The following SMAD9 variants were observed in gnomAD, a reference collection of about 807,000 sequenced individuals.
The protein encoded by SMAD9 is MAD homolog 9.
In SMAD9, 36 loss-of-function variants were observed where a neutral mutation model predicts 46.1. That is an observed-to-expected ratio of 0.78 (90% CI 0.60 to 1.03). The LOEUF (loss-of-function observed/expected upper bound fraction) is 1.03, where lower values mean the gene tolerates loss of function less well. Among genes scored for constraint, SMAD9 ranks in the 50% least tolerant of loss-of-function variants. The probability of loss-of-function intolerance (pLI) is 0.00; values close to 1 mark genes in which losing one functional copy is unlikely to be tolerated. For synonymous variants in SMAD9, 245 were observed against 237.1 expected, an observed-to-expected ratio of 1.03 and a Z score of -0.31; for missense variants, 572 against 599.8, an observed-to-expected ratio of 0.95 and a Z score of 0.48.
At position 36,879,771 on chromosome 13, in the gene SMAD9, G is replaced by A; in HGVS notation, c.-82C>T. The A allele has an allele frequency of 6.6e-7, 1 of 1,516,046 alleles. No individual in the cohort carries two copies. The highest frequency in any genetic ancestry group is 9.1e-7 in the Non-Finnish European group (1 of 1,101,708). The allele number at this position is 1,516,046 out of a possible 1,614,324, so 93.9% of individuals were successfully genotyped here. On this transcript the variant is annotated 5_prime_UTR_variant, in exon 2 of 7. Transcript: ENST00000379826. Reference sequence around the variant, plus strand: ...GTGGGCGGCGAGTAGCTCTCCAGGGGTGGCATAGGGACCAACCCGCCCGTT... The same window carrying A: ...GTGGGCGGCGAGTAGCTCTCCAGGGATGGCATAGGGACCAACCCGCCCGTT...
At chr13:36,882,414 GCCA>G (rs2058412242) in intron 1 of SMAD9, among the ~76,000 whole-genome samples, 1 of 152,142 alleles carries the variant, frequency 6.6e-6, no homozygotes, top group Non-Finnish European at 1.5e-5. Flanking sequence ...ACCTTCAGTG[GCCA>G]CCACACTTTC....
At chr13:36,860,219 T>G (rs563422230) in intron 5 of SMAD9, among the ~76,000 whole-genome samples, 1 of 152,158 alleles carries the variant, frequency 6.6e-6, no homozygotes, top group Non-Finnish European at 1.5e-5. Flanking sequence ...TATGTCAAGA[T>G]AATTCCTTTC....
At chr13:36,869,122 G>A (rs1258346848) in intron 3 of SMAD9, among the ~76,000 whole-genome samples, 2 of 152,062 alleles carry the variant, frequency 1.3e-5, no homozygotes, top group South Asian at 2.1e-4. Context: ...AGGGAAATAC[G>A]GAGCTATTGT....
chr13:36,902,922 T>G (rs1427353094), intron 1 of SMAD9, among the ~76,000 whole-genome samples: 1 of 152,174 alleles, frequency 6.6e-6, no homozygotes, highest in African/African-American at 2.4e-5. Context: ...ATGTGTTTGA[T>G]GTTTGCTAAA....
intron 5 of SMAD9, among the ~76,000 whole-genome samples, chr13:36,859,743 C>G (rs1209071699): frequency 6.6e-6 from 1 of 152,078 alleles, no homozygotes; most frequent in African/African-American, 2.4e-5. Context: ...GGTGGATTGC[C>G]GGAGGTCGGG....
chr13:36,890,405 A>C (rs1350491177), intron 1 of SMAD9, among the ~76,000 whole-genome samples: 14 of 152,242 alleles, frequency 9.2e-5, no homozygotes, highest in Non-Finnish European at 1.5e-5. Context: ...AGCATCCTTA[A>C]AACTTTAAGA....
chr13:36,863,478 G>A (rs555480415), intron 5 of SMAD9, among the ~76,000 whole-genome samples: 32 of 152,196 alleles, frequency 2.1e-4, no homozygotes, highest in African/African-American at 6.7e-4. Flanking sequence ...CCCTAAAGAC[G>A]AGCTCTCAGT....
chr13:36,865,707 T>G lies in SMAD9; in HGVS notation c.833A>C (p.Tyr278Ser). Reference sequence around the variant, plus strand: ...CCCAACTCGGTTGTTCAGTTCATAGTAGGCGACCGAGCACCAGTGCTGGGG... The same window carrying G: ...CCCAACTCGGTTGTTCAGTTCATAGGAGGCGACCGAGCACCAGTGCTGGGG... ...EEPQHWCSVA[Y>S]YELNNRVGET... Residue 278 changes from tyrosine to serine, a missense_variant, in exon 5 of 7, where the codon TAC becomes TCC. By Grantham distance (144) the Tyr-to-Ser change is moderately radical (BLOSUM62 -2). Transcript: ENST00000379826. 1 of 1,614,172 alleles carries G rather than the reference T, an allele frequency of 6.2e-7. No homozygotes were observed. The highest frequency in any genetic ancestry group is 8.5e-7 in the Non-Finnish European group (1 of 1,180,002).
intron 1 of SMAD9, among the ~76,000 whole-genome samples, chr13:36,885,120 T>C (rs2058434303): frequency 6.6e-6 from 1 of 152,226 alleles, no homozygotes; most frequent in East Asian, 1.9e-4. Flanking sequence ...AGTGAACACA[T>C]TTGCTGAAGG....
intron 5 of SMAD9, among the ~76,000 whole-genome samples, chr13:36,865,146 T>G (rs536147472): frequency 2.7e-4 from 41 of 152,362 alleles, no homozygotes; most frequent in African/African-American, 9.4e-4. Flanking sequence ...GAACTTCACC[T>G]GATACAAATA....
At chr13:36,889,436 T>G (rs570970008) in intron 1 of SMAD9, among the ~76,000 whole-genome samples, 1 of 152,228 alleles carries the variant, frequency 6.6e-6, no homozygotes, top group Non-Finnish European at 1.5e-5. Context: ...GTCCTAAAAC[T>G]CTACTTAAAT....
rs749985767 is a variant in SMAD9, at chr13:36,872,899, G to A, written c.429C>T (p.Leu143=). Reference sequence around the variant, plus strand: ...GGTTATATTCACTGTGTCTTGGCACGAGCACAGGAGGCAGTACTAGGATCA... The same window carrying A: ...GGTTATATTCACTGTGTCTTGGCACAAGCACAGGAGGCAGTACTAGGATCA... ...RVETPVLPPV[L]VPRHSEYNPQ... is the part of the protein sequence containing the mutation. The change falls in exon 3 of 7, where the codon CTC becomes CTT. Residue 143 remains leucine, a synonymous_variant. Coordinates refer to ENST00000379826, the MANE Select transcript of SMAD9 (RefSeq NM_001127217.3). The A allele has an allele frequency of 2.3e-5, 37 of 1,614,016 alleles. No individual in the cohort carries two copies. Among genetic ancestry groups the A allele is most frequent in the Middle Eastern group, 3.3e-4 (2 of 6,082 alleles).
upstream of SMAD9, chr13:36,920,572 CGGGGGTGGGGT>C (rs2058738220): frequency 6.6e-6 from 1 of 152,188 alleles, no homozygotes; most frequent in Non-Finnish European, 1.5e-5. Context: ...CGGGGTGGCC[CGGGGGTGGGGT>C]GGGAGCCCTT....
intron 1 of SMAD9, among the ~76,000 whole-genome samples, chr13:36,887,747 G>T (rs2058459086): frequency 6.6e-6 from 1 of 152,156 alleles, no homozygotes; most frequent in South Asian, 2.1e-4. Flanking sequence ...AAGGAGAGAT[G>T]CATGTGGCAA....
chr13:36,895,889 T>C (rs1383630696), intron 1 of SMAD9, among the ~76,000 whole-genome samples: 4 of 152,202 alleles, frequency 2.6e-5, no homozygotes, highest in Non-Finnish European at 5.9e-5. Context: ...CAAGTCAGCC[T>C]GAAATTGGGA....
In SMAD9 at chr13:36,877,442, T is replaced by C. The variant is rs2058356033; in HGVS notation, c.412+1836A>G. On this transcript the variant is annotated intron_variant, in intron 2 of 6. Coordinates refer to ENST00000379826, the MANE Select transcript of SMAD9 (RefSeq NM_001127217.3). ...TTCAAAAGGAAAACCAGGTACATTT[T>C]ACAAGATATTTCTTACAAGTTGTTA... Among the ~76,000 whole-genome samples, 3 of 152,226 alleles carry C rather than the reference T, an allele frequency of 2.0e-5. No individual in the cohort carries two copies. The South Asian group carries it at 6.2e-4, about 32-fold the overall frequency.
chr13:36,865,054 G>A (rs1020121030), intron 5 of SMAD9, among the ~76,000 whole-genome samples: 1 of 152,160 alleles, frequency 6.6e-6, no homozygotes, highest in African/African-American at 2.4e-5. Flanking sequence ...CTGCACACAG[G>A]AGAGCCCCAA....
intron 5 of SMAD9, among the ~76,000 whole-genome samples, chr13:36,863,363 G>A (rs1170339529): frequency 1.3e-5 from 2 of 152,048 alleles, no homozygotes; most frequent in East Asian, 1.9e-4. Context: ...CTTTGTCTTC[G>A]GACCATGTGA....
At chr13:36,868,381 G>A (rs1057038907) in intron 3 of SMAD9, among the ~76,000 whole-genome samples, 1 of 152,196 alleles carries the variant, frequency 6.6e-6, no homozygotes, top group Admixed American at 6.5e-5. Flanking sequence ...TATGACTTTG[G>A]TGAAAAAGTT....
Sources: allele counts gnomAD v4.1 joint callset (sites outside exome capture counted in the v4.1 genomes callset), GRCh38; gene constraint gnomAD v4.1.1; transcripts MANE v1.5; gene names NCBI Gene and HGNC (gene_info 2026-07-23, HGNC 2026-07-21).